Variants in ARHGAP26 observed in about 807,000 individuals in gnomAD.
The protein encoded by ARHGAP26 is Rho GTPase activating protein 26.
Under a neutral mutation model 104.8 loss-of-function variants are expected in ARHGAP26, and 38 were observed. That is an observed-to-expected ratio of 0.36 (90% confidence interval 0.28 to 0.48). The LOEUF (loss-of-function observed/expected upper bound fraction) is 0.48. Ranked by LOEUF, ARHGAP26 falls within the 20% of genes least tolerant of loss-of-function variation. The pLI is 0.99. For missense variants in ARHGAP26, 704 were observed against 947.9 expected, an observed-to-expected ratio of 0.74 and a Z score of 3.38; for synonymous variants, 341 against 340.0, an observed-to-expected ratio of 1.00 and a Z score of -0.03.
At chr5:143,147,965 G>A (rs1338327167) in intron 20 of ARHGAP26, among the ~76,000 whole-genome samples, 2 of 152,138 alleles carry the variant, frequency 1.3e-5, no homozygotes, top group Non-Finnish European at 1.5e-5. Context: ...TTAGTTTGGG[G>A]GCTGGTTGTC....
intron 5 of ARHGAP26, among the ~76,000 whole-genome samples, chr5:142,887,847 C>G (rs1334301969): frequency 6.6e-6 from 1 of 152,108 alleles, no homozygotes; most frequent in African/African-American, 2.4e-5. Context: ...TGCCTGTAGT[C>G]CCAGCTACTC....
intron 1 of ARHGAP26, 119 bp from the exon 2 acceptor site, chr5:142,873,281 A>G (rs188596348): frequency 9.0e-6 from 6 of 663,766 alleles, no homozygotes; most frequent in African/African-American, 7.4e-5. Flanking sequence ...GTGCTTTGAA[A>G]TGGACTCAGG....
intron 20 of ARHGAP26, among the ~76,000 whole-genome samples, chr5:143,173,420 C>T (rs903802411): frequency 2.6e-5 from 4 of 152,100 alleles, no homozygotes; most frequent in Non-Finnish European, 4.4e-5. Context: ...GTCAGGAGAG[C>T]GGAAAATCAC....
intron 3 of ARHGAP26, among the ~76,000 whole-genome samples, chr5:142,875,920 T>G (rs1756015892): frequency 6.6e-6 from 1 of 152,216 alleles, no homozygotes; most frequent in African/African-American, 2.4e-5. Context: ...TATTTTTGTT[T>G]TTTGTAGAGA....
At chr5:143,209,581 G>T (rs1486711565) in intron 21 of ARHGAP26, among the ~76,000 whole-genome samples, 1 of 152,134 alleles carries the variant, frequency 6.6e-6, no homozygotes, top group African/African-American at 2.4e-5. Flanking sequence ...AGGAGTTCAA[G>T]ACCAGCCTGG....
intron 12 of ARHGAP26, among the ~76,000 whole-genome samples, chr5:143,015,874 C>A (rs1217866922): frequency 6.6e-6 from 1 of 152,192 alleles, no homozygotes; most frequent in Non-Finnish European, 1.5e-5. Flanking sequence ...GTGGGCATCC[C>A]AACTGGTTCT....
chr5:143,031,572 C>CT (rs753414022), intron 12 of ARHGAP26, among the ~76,000 whole-genome samples: 6,993 of 135,326 alleles, frequency 0.052, 566 homozygotes, highest in African/African-American at 0.17. Flanking sequence ...CTACACACCT[C>CT]TTTTTTTTTT....
At position 142,915,896 on chromosome 5, in the gene ARHGAP26, G is replaced by A. The variant is rs114838556; in HGVS notation, c.1028+2603G>A. ...AGCTGCATCCCTGGGAACTCTGCCC[G>A]GAATCCTTTTCTCTCAAAGACTCCT... On this transcript the variant is annotated intron_variant, in intron 10 of 22. Transcript: ENST00000645722. 4.3e-3 allele frequency among the ~76,000 whole-genome samples: 649 copies of A among 152,168 alleles called. 1 individual carries two copies. The highest frequency in any genetic ancestry group is 6.8e-3 in the Non-Finnish European group (464 of 67,998).
chr5:143,010,181 A>G (rs1377271491), intron 11 of ARHGAP26, among the ~76,000 whole-genome samples: 1 of 152,212 alleles, frequency 6.6e-6, no homozygotes. Flanking sequence ...TATAGAAGGT[A>G]TTTATGAACC....
rs60257351 is a variant in ARHGAP26, at chr5:143,063,092, G to A, written c.1538+5345G>A. Among the ~76,000 whole-genome samples, 751 of 152,254 alleles carry A rather than the reference G, an allele frequency of 4.9e-3. 6 individuals are homozygous for A. Among genetic ancestry groups the A allele is most frequent in the African/African-American group, 0.017 (701 of 41,568 alleles). On this transcript the variant is annotated intron_variant, in intron 17 of 22. Transcript: ENST00000645722. Reference sequence around the variant, plus strand: ...ACCGCAGTGCTGCCAGTGCAGGATTGCTTGGCCGCTGGGCCACTGGTGGTA... The same window carrying A: ...ACCGCAGTGCTGCCAGTGCAGGATTACTTGGCCGCTGGGCCACTGGTGGTA...
intron 17 of ARHGAP26, among the ~76,000 whole-genome samples, chr5:143,110,975 G>A (rs1235882544): frequency 6.6e-6 from 1 of 152,216 alleles, no homozygotes; most frequent in African/African-American, 2.4e-5. Context: ...AGGTAGCTGA[G>A]ACAATGTAGG....
chr5:142,859,778 C>G (rs1393833735), intron 1 of ARHGAP26: 2 of 152,288 alleles, frequency 1.3e-5, no homozygotes, highest in Non-Finnish European at 2.9e-5. Context: ...CCCAGTCTGT[C>G]TCTGTCCTAG....
chr5:142,868,517 T>G (rs1417047619), intron 1 of ARHGAP26, among the ~76,000 whole-genome samples: 1 of 152,024 alleles, frequency 6.6e-6, no homozygotes, highest in African/African-American at 2.4e-5. Context: ...GGTGTTTTGT[T>G]TAGGGGTTGC....
In ARHGAP26 at chr5:143,224,702, T is replaced by A. The variant is rs1811519463; in HGVS notation, c.*2256T>A. ...TTCTTAAAGAACCAGCTTCTTAGAATGTTCAGTTCTCAATGTGCTGCTGCT... is the reference window on the plus strand; with the variant it reads ...TTCTTAAAGAACCAGCTTCTTAGAAAGTTCAGTTCTCAATGTGCTGCTGCT... On this transcript the variant is annotated 3_prime_UTR_variant, in exon 23 of 23. Coordinates refer to ENST00000645722, the MANE Select transcript of ARHGAP26 (RefSeq NM_001135608.3). The A allele has an allele frequency of 4.4e-6, 1 of 229,374 alleles. No homozygotes were observed. The highest frequency in any genetic ancestry group is 8.6e-6 in the Non-Finnish European group (1 of 115,718). 14.2% of individuals were successfully genotyped at this position (229,374 alleles called of 1,614,324 possible). A position where few individuals can be genotyped will look rare whatever the true frequency, so the allele number is the denominator to read the frequency against.
intron 10 of ARHGAP26, among the ~76,000 whole-genome samples, chr5:142,917,236 G>A (rs1478901765): frequency 2.6e-5 from 4 of 151,968 alleles, no homozygotes; most frequent in South Asian, 2.1e-4. Flanking sequence ...ATGCGGTTTC[G>A]CCATGTTGAC....
At chr5:143,147,497 C>A in intron 20 of ARHGAP26, 116 bp downstream of exon 20, 2 of 1,245,138 alleles carry the variant, frequency 1.6e-6, no homozygotes, top group South Asian at 1.6e-5. Context: ...ATTATTTAAA[C>A]CTCCTCCCTA....
rs1760327457 is a variant in ARHGAP26, at chr5:142,901,508, A to C, written c.598-427A>C. On this transcript the variant is annotated intron_variant, in intron 6 of 22. Transcript: ENST00000645722. ...CCTTCCTCTTCTGTGTAATAACCTGATACTACAAATGTACTAGAGGGAAAC... is the reference window on the plus strand; with the variant it reads ...CCTTCCTCTTCTGTGTAATAACCTGCTACTACAAATGTACTAGAGGGAAAC... 1.3e-5 allele frequency among the ~76,000 whole-genome samples: 2 copies of C among 152,192 alleles called. 1 individual carries two copies. The highest frequency in any genetic ancestry group is 4.1e-4 in the South Asian group (2 of 4,834).
chr5:142,980,425 G>T (rs1234813754), intron 11 of ARHGAP26, among the ~76,000 whole-genome samples: 1 of 141,550 alleles, frequency 7.1e-6, no homozygotes, highest in Non-Finnish European at 1.5e-5. Context: ...ATCTTGCTTA[G>T]TTGCCCAGGC....
At chr5:142,772,054 T>C (rs949905454) in intron 1 of ARHGAP26, among the ~76,000 whole-genome samples, 5 of 152,238 alleles carry the variant, frequency 3.3e-5, no homozygotes, top group African/African-American at 1.2e-4. Flanking sequence ...TAGTAGGTGA[T>C]ACCTTTCAGC....
Sources: allele counts gnomAD v4.1 joint callset (sites outside exome capture counted in the v4.1 genomes callset), GRCh38; gene constraint gnomAD v4.1.1; transcripts MANE v1.5; gene names NCBI Gene and HGNC (gene_info 2026-07-23, HGNC 2026-07-21).